The following PTPRN2 variants were observed in gnomAD, a reference collection of about 807,000 sequenced individuals.
The protein encoded by PTPRN2 is protein tyrosine phosphatase receptor type N2.
Under a neutral mutation model 118.8 loss-of-function variants are expected in PTPRN2, and 74 were observed. That is an observed-to-expected ratio of 0.62 (90% CI 0.52 to 0.76). PTPRN2 has a LOEUF of 0.76. Ranked by LOEUF, PTPRN2 falls within the 30% of genes least tolerant of loss-of-function variation. PTPRN2 has a pLI of 0.00. For synonymous variants in PTPRN2, 641 were observed against 608.0 expected (o/e 1.05, Z -0.80); for missense variants, 1,481 against 1,394.4 (o/e 1.06, Z -0.99).
At chr7:158,314,962 T>A (rs1216678377) in intron 3 of PTPRN2, among the ~76,000 whole-genome samples, 1 of 139,248 alleles carries the variant, frequency 7.2e-6, no homozygotes, top group Non-Finnish European at 1.6e-5. Context: ...AGGACAGAGG[T>A]GAACCCGGGA....
intron 2 of PTPRN2, among the ~76,000 whole-genome samples, chr7:158,393,787 C>T (rs1049129901): frequency 1.3e-5 from 2 of 152,090 alleles, no homozygotes; most frequent in African/African-American, 4.8e-5. Flanking sequence ...AAGCCCACAC[C>T]GTCTTCATGA....
Position 158,449,986 on chromosome 7 carries a change from C to T in PTPRN2, c.163+39749G>A, listed in dbSNP as rs547916806. ...GGTGCCACAGACTGGGTGACTCACA[C>T]AGAAACGTCCTCATGGTCTGGAGGC... is the stretch of plus-strand genomic sequence containing the variant. On this transcript the variant is annotated intron_variant, in intron 2 of 22. Coordinates refer to ENST00000389418, the MANE Select transcript of PTPRN2 (RefSeq NM_002847.5). Among the ~76,000 whole-genome samples the T allele has an allele frequency of 2.0e-5, 3 of 152,372 alleles. No individual in the cohort carries two copies. In the East Asian group the frequency reaches 5.8e-4, roughly 29 times the overall value.
chr7:158,475,643 G>GCTCA (rs927022631), intron 2 of PTPRN2, among the ~76,000 whole-genome samples: 23 of 152,236 alleles, frequency 1.5e-4, no homozygotes, highest in African/African-American at 5.3e-4. Flanking sequence ...CCCCTGCTGG[G>GCTCA]CTCACTCTCC....
In PTPRN2 at chr7:157,690,207, G is replaced by A. The variant is rs1328403038; in HGVS notation, c.1789-7270C>T. Among the ~76,000 whole-genome samples the A allele has an allele frequency of 5.3e-5, 8 of 152,186 alleles. No individual in the cohort carries two copies. Among genetic ancestry groups the A allele is most frequent in the Non-Finnish European group, 1.0e-4 (7 of 68,028 alleles). On this transcript the variant is annotated intron_variant, in intron 12 of 22. Coordinates refer to ENST00000389418, the MANE Select transcript of PTPRN2 (RefSeq NM_002847.5). The surrounding 1 kb of genome is among the most constrained non-coding windows in gnomAD (Gnocchi z 7.1). ...CCCTCCAAATCTGTGCGCTCAGAAG[G>A]AGCTGCCCTTTGCCCGCTCCTCCTC...
intron 2 of PTPRN2, among the ~76,000 whole-genome samples, chr7:158,425,811 G>A (rs1586646942): frequency 1.2e-4 from 13 of 111,272 alleles, no homozygotes; most frequent in Admixed American, 1.1e-3. Flanking sequence ...CGGGAAAGAC[G>A]CGGGGTCCGA....
chr7:158,325,931 T>A (rs1273117051), intron 2 of PTPRN2, among the ~76,000 whole-genome samples: 1 of 152,156 alleles, frequency 6.6e-6, no homozygotes, highest in Non-Finnish European at 1.5e-5. Flanking sequence ...GGGCAGTCAG[T>A]CTCACAGCAG....
intron 8 of PTPRN2, 146 bp downstream of exon 8, chr7:158,136,509 T>A (rs1818829021): frequency 1.5e-6 from 1 of 679,308 alleles, no homozygotes. Flanking sequence ...CTTTATACTG[T>A]TTTTCAATTT....
chr7:157,723,154 G>A (rs1333884809), intron 12 of PTPRN2, among the ~76,000 whole-genome samples: 1 of 152,236 alleles, frequency 6.6e-6, no homozygotes, highest in African/African-American at 2.4e-5. Context: ...AGCTGAGAAA[G>A]CCAGCATCTG....
chr7:157,847,798 A>G (rs1450167441), intron 12 of PTPRN2, among the ~76,000 whole-genome samples: 2 of 143,532 alleles, frequency 1.4e-5, no homozygotes, highest in African/African-American at 2.6e-5. Flanking sequence ...TCACTCCATC[A>G]TGCGTGCCCG....
At position 158,151,288 on chromosome 7, in the gene PTPRN2, G is replaced by A. The variant is rs377680896; in HGVS notation, c.911-12773C>T. 8.0e-4 allele frequency among the ~76,000 whole-genome samples: 15 copies of A among 18,662 alleles called. 4 individuals are homozygous for A. The highest frequency in any genetic ancestry group is 7.4e-3 in the East Asian group (6 of 814). 12.2% of individuals were successfully genotyped at this position (18,662 alleles called of 152,430 possible). On this transcript the variant is annotated intron_variant, in intron 6 of 22. Coordinates refer to ENST00000389418, the MANE Select transcript of PTPRN2 (RefSeq NM_002847.5). ...CCCTGCCCACACCGCCCGCCTTTCTGCTCCTGCCTCTCCCTGCCCACACCG... is the reference window on the plus strand; with the variant it reads ...CCCTGCCCACACCGCCCGCCTTTCTACTCCTGCCTCTCCCTGCCCACACCG...
At chr7:157,927,976 C>T (rs900317181) in intron 11 of PTPRN2, among the ~76,000 whole-genome samples, 4 of 152,188 alleles carry the variant, frequency 2.6e-5, no homozygotes, top group South Asian at 2.1e-4. Context: ...AGCTGCCCGA[C>T]GCTTAGAGGG....
At chr7:158,165,977 A>C (rs1424239203) in intron 6 of PTPRN2, among the ~76,000 whole-genome samples, 1 of 152,082 alleles carries the variant, frequency 6.6e-6, no homozygotes, top group Non-Finnish European at 1.5e-5. Context: ...GATGTGGCAA[A>C]CCGCCATAAA....
intron 5 of PTPRN2, among the ~76,000 whole-genome samples, chr7:158,174,986 G>T (rs911592631): frequency 6.6e-6 from 1 of 152,162 alleles, no homozygotes; most frequent in Non-Finnish European, 1.5e-5. Flanking sequence ...AGTCCCAAAG[G>T]CACAATTATG....
At chr7:158,215,026 C>T (rs989623730) in intron 3 of PTPRN2, among the ~76,000 whole-genome samples, 1 of 152,100 alleles carries the variant, frequency 6.6e-6, no homozygotes, top group African/African-American at 2.4e-5. Context: ...AAGAGACAAT[C>T]CACAGAAACC....
In PTPRN2 at chr7:157,784,217, C is replaced by G. The variant is rs1396800904; in HGVS notation, c.1789-101280G>C. Among the ~76,000 whole-genome samples the G allele has an allele frequency of 6.6e-6, 1 of 152,166 alleles. No homozygotes were observed. Among genetic ancestry groups the G allele is most frequent in the Non-Finnish European group, 1.5e-5 (1 of 68,028 alleles). ...CCACGTGGCTTCTGGCCCAGAGCAG[C>G]TCGTGAGTCAGCCTGGCCTAGTTGG... On this transcript the variant is annotated intron_variant, in intron 12 of 22. Coordinates refer to ENST00000389418, the MANE Select transcript of PTPRN2 (RefSeq NM_002847.5). This position sits in a 1 kb window ranked among gnomAD's most constrained non-coding sequence, Gnocchi z 4.6.
chr7:157,715,619 C>T (rs1028521553), intron 12 of PTPRN2, among the ~76,000 whole-genome samples: 2 of 152,192 alleles, frequency 1.3e-5, no homozygotes, highest in Admixed American at 6.5e-5. Context: ...ATCTAAACCA[C>T]TCCAGAAACA....
chr7:157,667,989 C>A (rs1453752755), intron 13 of PTPRN2, among the ~76,000 whole-genome samples: 1 of 152,204 alleles, frequency 6.6e-6, no homozygotes, highest in East Asian at 1.9e-4. Flanking sequence ...GCACCCAGAG[C>A]CCCCACCCTG....
rs191659443 is a variant in PTPRN2, at chr7:158,068,139, C to T, written c.1723+13159G>A. The stretch of plus-strand genomic sequence containing the variant: ...AGGCTGTGCAGTCCCAGGGGAAGAA[C>T]GGCCCATGCCAGCGGCCCTGACTGA... On this transcript the variant is annotated intron_variant, in intron 11 of 22. Transcript: ENST00000389418. 2.1e-4 allele frequency among the ~76,000 whole-genome samples: 32 copies of T among 152,288 alleles called. No individual in the cohort carries two copies. In the South Asian group the frequency reaches 5.8e-3, roughly 28 times the overall value.
At chr7:158,199,567 A>G (rs141554890) in intron 4 of PTPRN2, among the ~76,000 whole-genome samples, 344 of 152,310 alleles carry the variant, frequency 2.3e-3, no homozygotes, top group African/African-American at 7.8e-3. Context: ...ATCTCTGGAG[A>G]TTAACTGCCT....
Sources: allele counts gnomAD v4.1 joint callset (sites outside exome capture counted in the v4.1 genomes callset), GRCh38; gene constraint gnomAD v4.1.1; non-coding constraint Gnocchi (gnomAD v3.1); transcripts MANE v1.5; gene names NCBI Gene and HGNC (gene_info 2026-07-23, HGNC 2026-07-21).